The following FANCL variants were observed in gnomAD, a reference collection of about 807,000 sequenced individuals.
The protein encoded by FANCL is E3 ubiquitin-protein ligase FANCL.
FANCL carries 69 observed loss-of-function variants against 59.4 expected under a neutral mutation model. The observed-to-expected ratio is 1.16, with a 90% CI of 0.96 to 1.42. FANCL has a LOEUF of 1.42. Among genes scored for constraint, FANCL ranks in the 40% most tolerant of loss-of-function variants. The probability of loss-of-function intolerance (pLI) is 0.00; values close to 1 mark genes in which losing one functional copy is unlikely to be tolerated. For missense variants in FANCL, 519 were observed against 447.2 expected, an observed-to-expected ratio of 1.16 and a Z score of -1.45; for synonymous variants, 180 against 147.1, an observed-to-expected ratio of 1.22 and a Z score of -1.62.
intron 5 of FANCL, among the ~76,000 whole-genome samples, chr2:58,216,924 T>TC (rs1206443715): frequency 6.6e-6 from 1 of 151,554 alleles, no homozygotes; most frequent in African/African-American, 2.4e-5. Context: ...CAATCCTTTT[T>TC]CCCATTTCCT....
chr2:58,209,615 A>T (rs181378422), intron 5 of FANCL, among the ~76,000 whole-genome samples: 3 of 152,224 alleles, frequency 2.0e-5, no homozygotes, highest in Non-Finnish European at 1.5e-5. Flanking sequence ...GTATCTCAAC[A>T]ACTTGATACA....
intron 7 of FANCL, among the ~76,000 whole-genome samples, chr2:58,170,083 G>A (rs1686410992): frequency 6.6e-6 from 1 of 152,096 alleles, no homozygotes; most frequent in African/African-American, 2.4e-5. Context: ...ACACATAATG[G>A]TCAGATTCAT....
intron 5 of FANCL, among the ~76,000 whole-genome samples, chr2:58,217,211 TATATACACACACAC>T (rs1162610004): frequency 0.041 from 363 of 8,920 alleles, 6 homozygotes; most frequent in South Asian, 0.092. Context: ...TATATATATA[TATATACACACACAC>T]ACACACACAC....
intron 5 of FANCL, among the ~76,000 whole-genome samples, chr2:58,217,275 T>C (rs1167514504): frequency 7.1e-6 from 1 of 141,258 alleles, no homozygotes; most frequent in Non-Finnish European, 1.5e-5. Flanking sequence ...AAGAGGAATT[T>C]ATTCTCTCAT....
chr2:58,222,533 TCACTGA>T (rs935185003), intron 4 of FANCL, among the ~76,000 whole-genome samples: 1 of 152,100 alleles, frequency 6.6e-6, no homozygotes, highest in Non-Finnish European at 1.5e-5. Flanking sequence ...CTAATTTTTT[TCACTGA>T]CTTATACTCT....
chr2:58,220,286 T>G (rs1692341353), intron 5 of FANCL, among the ~76,000 whole-genome samples: 1 of 152,144 alleles, frequency 6.6e-6, no homozygotes, highest in African/African-American at 2.4e-5. Context: ...CATAAAAAAT[T>G]AAGTCTACAT....
intron 7 of FANCL, among the ~76,000 whole-genome samples, chr2:58,192,362 A>G (rs1248630108): frequency 6.6e-6 from 1 of 151,972 alleles, no homozygotes; most frequent in East Asian, 1.9e-4. Context: ...ACTGCCCATA[A>G]AACACATTTA....
chr2:58,219,166 AAAAAAATATATATATAT>A (rs1692188177), intron 5 of FANCL, among the ~76,000 whole-genome samples: 1 of 86,244 alleles, frequency 1.2e-5, no homozygotes, highest in South Asian at 3.5e-4. Flanking sequence ...AAAAAAAAAA[AAAAAAATATATATATAT>A]ATATATATAT....
intron 1 of FANCL, among the ~76,000 whole-genome samples, chr2:58,237,801 T>C (rs763972614): frequency 6.6e-5 from 10 of 152,192 alleles, no homozygotes; most frequent in Non-Finnish European, 1.3e-4. Context: ...CTTTTGAATA[T>C]AGACTAAGAA....
intron 7 of FANCL, among the ~76,000 whole-genome samples, chr2:58,190,536 T>C (rs1688830956): frequency 6.7e-6 from 1 of 148,762 alleles, no homozygotes; most frequent in Non-Finnish European, 1.5e-5. Context: ...GAAAAAAGAC[T>C]AGCTTTTTGT....
chr2:58,186,532 A>C (rs1044702593), intron 7 of FANCL, among the ~76,000 whole-genome samples: 1 of 152,200 alleles, frequency 6.6e-6, no homozygotes, highest in Admixed American at 6.5e-5. Context: ...TGGTTATTGT[A>C]GTCAATGGTA....
At chr2:58,172,910 A>G (rs544240791) in intron 7 of FANCL, among the ~76,000 whole-genome samples, 93 of 152,350 alleles carry the variant, frequency 6.1e-4, no homozygotes, top group African/African-American at 2.1e-3. Flanking sequence ...ACGAATGCAT[A>G]ACTAGAATAA....
At chr2:58,217,704 T>C (rs758732387) in intron 5 of FANCL, among the ~76,000 whole-genome samples, 3 of 151,786 alleles carry the variant, frequency 2.0e-5, no homozygotes, top group Non-Finnish European at 4.4e-5. Flanking sequence ...AAAGCAAAAT[T>C]TTGAGGAACA....
At chr2:58,183,734 T>C (rs1352577597) in intron 7 of FANCL, among the ~76,000 whole-genome samples, 1 of 151,982 alleles carries the variant, frequency 6.6e-6, no homozygotes, top group Non-Finnish European at 1.5e-5. Context: ...TAAAAATAAG[T>C]GATCTGTTAC....
Position 58,159,476 on chromosome 2 carries a change from C to G in FANCL, c.*289G>C. 6.2e-7 allele frequency: 1 copy of G among 1,613,674 alleles called. No individual in the cohort carries two copies. The highest frequency in any genetic ancestry group is 8.5e-7 in the Non-Finnish European group (1 of 1,179,748). ...TTTTATGAGCCTCATCAAGATTTTA[C>G]CAGTCCAGATATATTCAAGAAGTCA... is the stretch of plus-strand genomic sequence containing the variant. On this transcript the variant is annotated 3_prime_UTR_variant, in exon 14 of 14. Coordinates refer to ENST00000233741, the MANE Select transcript of FANCL (RefSeq NM_018062.4).
At chr2:58,235,562 T>TA (rs1187970675) in intron 1 of FANCL, among the ~76,000 whole-genome samples, 1 of 151,944 alleles carries the variant, frequency 6.6e-6, no homozygotes, top group Non-Finnish European at 1.5e-5. Flanking sequence ...CAAGAATACT[T>TA]AGAGAACAAA....
intron 7 of FANCL, among the ~76,000 whole-genome samples, chr2:58,192,663 G>C (rs1246559320): frequency 6.6e-6 from 1 of 151,686 alleles, no homozygotes; most frequent in South Asian, 2.1e-4. Flanking sequence ...ATGGAGTGAG[G>C]GTAGGTGGAG....
At chr2:58,171,513 T>G (rs896785949) in intron 7 of FANCL, among the ~76,000 whole-genome samples, 2 of 151,450 alleles carry the variant, frequency 1.3e-5, no homozygotes, top group Non-Finnish European at 2.9e-5. Context: ...AGACAAGAAA[T>G]AACTAAGATC....
At chr2:58,222,545 A>G (rs894174683) in intron 4 of FANCL, among the ~76,000 whole-genome samples, 2 of 152,024 alleles carry the variant, frequency 1.3e-5, no homozygotes, top group Admixed American at 1.3e-4. Flanking sequence ...ACTGACTTAT[A>G]CTCTGTACTA....
Sources: gnomAD v4.1 joint callset for allele counts (sites outside exome capture counted in the v4.1 genomes callset) on GRCh38, gnomAD v4.1.1 for gene constraint, MANE v1.5 for transcripts, NCBI Gene and HGNC (gene_info 2026-07-23, HGNC 2026-07-21) for gene names.